Variants in EPHA7 observed in about 807,000 individuals in gnomAD.
The protein encoded by EPHA7 is ephrin type-A receptor 7.
In EPHA7, 25 loss-of-function variants were observed where a neutral mutation model predicts 112.6. That is an observed-to-expected ratio of 0.22 (90% CI 0.16 to 0.31). The LOEUF is 0.31. Among genes scored for constraint, EPHA7 ranks in the 10% least tolerant of loss-of-function variants. The pLI, the probability that EPHA7 is intolerant of heterozygous loss-of-function variation, is 1.00. For missense variants in EPHA7, 962 were observed against 1,212.6 expected (o/e 0.79, Z 3.07); for synonymous variants, 437 against 406.5 (o/e 1.07, Z -0.90).
In EPHA7 at chr6:93,369,129, A is replaced by T. The variant is rs555553115; in HGVS notation, c.833-10718T>A. Among the ~76,000 whole-genome samples the T allele has an allele frequency of 1.7e-4, 26 of 151,288 alleles. No individual in the cohort carries two copies. The East Asian group carries it at 2.7e-3, about 16-fold the overall frequency. ...TGTTGAGCTCAATCCTTTCTTTTTTAAAAAAAAGAGCTGGCAAAGAAAAAG... is the reference window on the plus strand; with the variant it reads ...TGTTGAGCTCAATCCTTTCTTTTTTTAAAAAAAGAGCTGGCAAAGAAAAAG... On this transcript the variant is annotated intron_variant, in intron 3 of 16. Transcript: ENST00000369303.
At chr6:93,368,750 T>A in intron 3 of EPHA7, among the ~76,000 whole-genome samples, 1 of 152,246 alleles carries the variant, frequency 6.6e-6, no homozygotes, top group East Asian at 1.9e-4. Flanking sequence ...TCACTATCAG[T>A]TTTCTGCGAT....
intron 3 of EPHA7, among the ~76,000 whole-genome samples, chr6:93,364,199 G>C (rs1776392248): frequency 6.6e-6 from 1 of 152,102 alleles, no homozygotes. Flanking sequence ...TGTATGATAT[G>C]TGAATTATAT....
At chr6:93,245,176 G>C (rs1769890572) in intron 16 of EPHA7, 122 bp downstream of exon 16, 5 of 920,380 alleles carry the variant, frequency 5.4e-6, no homozygotes, top group African/African-American at 3.4e-5. Flanking sequence ...TGTTAAAGAA[G>C]TATTTTTTTT....
chr6:93,314,071 T>A (rs1243633381), intron 5 of EPHA7, among the ~76,000 whole-genome samples: 1 of 150,630 alleles, frequency 6.6e-6, no homozygotes, highest in Non-Finnish European at 1.5e-5. Context: ...TTTCTCCTGT[T>A]TTTTTTTCTG....
At chr6:93,244,816 T>C (rs1432906983) in intron 16 of EPHA7, among the ~76,000 whole-genome samples, 1 of 152,154 alleles carries the variant, frequency 6.6e-6, no homozygotes, top group African/African-American at 2.4e-5. Flanking sequence ...CATTTCAGCA[T>C]TGAGTATAAA....
chr6:93,340,795 T>C (rs1358093000), intron 5 of EPHA7, among the ~76,000 whole-genome samples: 1 of 151,960 alleles, frequency 6.6e-6, no homozygotes, highest in Non-Finnish European at 1.5e-5. Context: ...ATGTCTTCAA[T>C]TATTTTTGTA....
intron 3 of EPHA7, among the ~76,000 whole-genome samples, chr6:93,405,813 GTATATATA>G (rs60882775): frequency 0.15 from 10,852 of 74,084 alleles, 667 homozygotes; most frequent in East Asian, 0.25. Flanking sequence ...GTGTGTGTGT[GTATATATA>G]TATATATATA....
At chr6:93,250,249 A>G (rs1300950161) in intron 14 of EPHA7, among the ~76,000 whole-genome samples, 1 of 152,140 alleles carries the variant, frequency 6.6e-6, no homozygotes, top group Non-Finnish European at 1.5e-5. Flanking sequence ...AAACCAGCCA[A>G]TAGGAGCTAA....
At chr6:93,281,956 C>T (rs1019943378) in intron 5 of EPHA7, among the ~76,000 whole-genome samples, 1 of 151,570 alleles carries the variant, frequency 6.6e-6, no homozygotes, top group Non-Finnish European at 1.5e-5. Context: ...TTATATATTT[C>T]ATAAAATGTA....
intron 14 of EPHA7, among the ~76,000 whole-genome samples, chr6:93,253,505 A>G (rs1158576472): frequency 2.0e-5 from 3 of 152,078 alleles, no homozygotes; most frequent in Non-Finnish European, 2.9e-5. Flanking sequence ...TTAAGACCCA[A>G]TGTAGATTTT....
intron 6 of EPHA7, among the ~76,000 whole-genome samples, chr6:93,271,449 G>C (rs892665212): frequency 2.1e-4 from 32 of 151,754 alleles, no homozygotes; most frequent in Admixed American, 2.1e-3. Context: ...AGGTAACTCA[G>C]GTAAGCCAAA....
intron 3 of EPHA7, among the ~76,000 whole-genome samples, chr6:93,363,651 C>T (rs1776361798): frequency 6.6e-6 from 1 of 152,108 alleles, no homozygotes; most frequent in African/African-American, 2.4e-5. Context: ...AAAAAGACTA[C>T]CAGTTCCTCA....
At chr6:93,355,566 T>C (rs1775904150) in intron 5 of EPHA7, among the ~76,000 whole-genome samples, 1 of 152,196 alleles carries the variant, frequency 6.6e-6, no homozygotes, top group South Asian at 2.1e-4. Flanking sequence ...GATTTTAATA[T>C]TGTTGATAAC....
intron 3 of EPHA7, among the ~76,000 whole-genome samples, chr6:93,397,505 T>C (rs1432491095): frequency 6.6e-6 from 1 of 151,878 alleles, no homozygotes; most frequent in East Asian, 1.9e-4. Flanking sequence ...GAATATGCAA[T>C]GTTTTTTAAG....
At chr6:93,352,773 G>A (rs185343986) in intron 5 of EPHA7, among the ~76,000 whole-genome samples, 4 of 152,164 alleles carry the variant, frequency 2.6e-5, no homozygotes, top group East Asian at 3.9e-4. Context: ...GAACAAGATC[G>A]TGTCCTTTGC....
rs912198578 is a variant in EPHA7 at position 93,374,648 on chromosome 6, C to G, written c.833-16237G>C. Among the ~76,000 whole-genome samples the G allele has an allele frequency of 2.5e-4, 38 of 152,260 alleles. 1 individual carries two copies. Among genetic ancestry groups the G allele is most frequent in the Admixed American group, 2.0e-3 (31 of 15,290 alleles). On this transcript the variant is annotated intron_variant, in intron 3 of 16. Transcript: ENST00000369303. Reference sequence around the variant, plus strand: ...GATGGTTAAGAAAATAATTAAACAACAGTGGAGACTAGTCGCTCAGACTGC... The same window carrying G: ...GATGGTTAAGAAAATAATTAAACAAGAGTGGAGACTAGTCGCTCAGACTGC...
At chr6:93,414,850 A>G (rs1582699650) in intron 1 of EPHA7, 83 bp from the exon 2 acceptor site, 2 of 1,074,248 alleles carry the variant, frequency 1.9e-6, no homozygotes, top group Admixed American at 1.9e-5. Flanking sequence ...ATCTTTTCAT[A>G]TAACTATCAC....
At chr6:93,331,739 A>T (rs1200052208) in intron 5 of EPHA7, among the ~76,000 whole-genome samples, 2 of 151,582 alleles carry the variant, frequency 1.3e-5, no homozygotes, top group African/African-American at 4.8e-5. Context: ...GCAAATAGCA[A>T]TTCAACCATA....
At chr6:93,342,343 T>C (rs974200874) in intron 5 of EPHA7, among the ~76,000 whole-genome samples, 3 of 151,810 alleles carry the variant, frequency 2.0e-5, no homozygotes, top group South Asian at 4.1e-4. Flanking sequence ...TAGAAGCCAA[T>C]AGAAAAACCA....
Sources: allele counts gnomAD v4.1 joint callset (sites outside exome capture counted in the v4.1 genomes callset), GRCh38; gene constraint gnomAD v4.1.1; transcripts MANE v1.5; gene names NCBI Gene and HGNC (gene_info 2026-07-23, HGNC 2026-07-21).